CNTNAP2: variants seen among roughly 807,000 people sequenced by gnomAD.
The protein encoded by CNTNAP2 is contactin associated protein 2.
A neutral mutation model predicts 155.2 loss-of-function variants in CNTNAP2; 98 were observed. The observed-to-expected ratio is 0.63, with a 90% CI of 0.54 to 0.75. The LOEUF (loss-of-function observed/expected upper bound fraction) is 0.75, where lower values mean the gene tolerates loss of function less well. CNTNAP2 is among the 30% of genes least tolerant of loss of function. CNTNAP2 has a pLI of 0.00. For synonymous variants in CNTNAP2, 651 were observed against 631.2 expected (o/e 1.03, Z -0.47); for missense variants, 1,727 against 1,688.1 (o/e 1.02, Z -0.40).
At chr7:146,992,203 A>T (rs987558238) in intron 3 of CNTNAP2, among the ~76,000 whole-genome samples, 1 of 152,198 alleles carries the variant, frequency 6.6e-6, no homozygotes, top group Non-Finnish European at 1.5e-5. Flanking sequence ...CATGTTAAAG[A>T]AGGTAAAAAT....
chr7:148,253,873 C>T (rs1348225247), intron 20 of CNTNAP2, among the ~76,000 whole-genome samples: 1 of 152,118 alleles, frequency 6.6e-6, no homozygotes, highest in Non-Finnish European at 1.5e-5. Context: ...GTTTCAGGAC[C>T]CCCAAGTACA....
intron 15 of CNTNAP2, among the ~76,000 whole-genome samples, chr7:148,044,946 C>G (rs957807994): frequency 1.3e-5 from 2 of 152,148 alleles, no homozygotes; most frequent in African/African-American, 4.8e-5. Flanking sequence ...TTCGCCTCAG[C>G]CTCTCAAAGT....
chr7:147,306,912 A>G (rs1795039793), intron 9 of CNTNAP2, among the ~76,000 whole-genome samples: 1 of 152,114 alleles, frequency 6.6e-6, no homozygotes. Context: ...TAAAACAACC[A>G]CACACACACA....
chr7:146,481,165 G>A (rs909316517), intron 1 of CNTNAP2, among the ~76,000 whole-genome samples: 3 of 151,980 alleles, frequency 2.0e-5, no homozygotes, highest in African/African-American at 7.3e-5. Flanking sequence ...ACGTAAATTG[G>A]TATATTGTAG....
At chr7:146,452,527 C>A (rs190389234) in intron 1 of CNTNAP2, among the ~76,000 whole-genome samples, 52 of 152,274 alleles carry the variant, frequency 3.4e-4, no homozygotes, top group African/African-American at 1.2e-3. Flanking sequence ...AGTGAAACTT[C>A]TCAGTTATAT....
chr7:147,834,592 G>A (rs1387157591), intron 13 of CNTNAP2, among the ~76,000 whole-genome samples: 3 of 151,822 alleles, frequency 2.0e-5, no homozygotes, highest in African/African-American at 4.8e-5. Flanking sequence ...CACCTACATC[G>A]ACCAAATGGA....
intron 15 of CNTNAP2, among the ~76,000 whole-genome samples, chr7:148,005,932 T>C (rs1801969229): frequency 6.6e-6 from 1 of 152,226 alleles, no homozygotes; most frequent in East Asian, 1.9e-4. Flanking sequence ...AGGTTTCTTT[T>C]CCTGGGATTC....
intron 9 of CNTNAP2, among the ~76,000 whole-genome samples, chr7:147,341,828 G>A (rs1469774270): frequency 6.7e-6 from 1 of 150,018 alleles, no homozygotes; most frequent in African/African-American, 2.5e-5. Flanking sequence ...CTAAATATAA[G>A]AAACCATTTA....
chr7:147,095,124 A>C (rs980844780), intron 4 of CNTNAP2, among the ~76,000 whole-genome samples: 2 of 150,716 alleles, frequency 1.3e-5, no homozygotes, highest in Admixed American at 1.3e-4. Flanking sequence ...GGTTCAAGCG[A>C]TTCTCCTGCC....
chr7:147,156,596 C>G (rs1801930268), intron 8 of CNTNAP2, among the ~76,000 whole-genome samples: 1 of 152,130 alleles, frequency 6.6e-6, no homozygotes, highest in East Asian at 1.9e-4. Context: ...TCATTGATGT[C>G]ATCTCATCTG....
intron 12 of CNTNAP2, among the ~76,000 whole-genome samples, chr7:147,577,716 C>T (rs960446879): frequency 6.6e-6 from 1 of 151,496 alleles, no homozygotes; most frequent in African/African-American, 2.4e-5. Flanking sequence ...GGCAAAGGCT[C>T]AGAGGAAAAT....
intron 15 of CNTNAP2, among the ~76,000 whole-genome samples, chr7:148,049,716 A>T (rs1243526958): frequency 1.3e-5 from 2 of 152,252 alleles, no homozygotes; most frequent in Non-Finnish European, 1.5e-5. Context: ...AACCTACTGC[A>T]CTGCCAGGCA....
intron 1 of CNTNAP2, among the ~76,000 whole-genome samples, chr7:146,343,339 TTCTC>T (rs1361529966): frequency 6.6e-6 from 1 of 152,104 alleles, no homozygotes; most frequent in Non-Finnish European, 1.5e-5. Flanking sequence ...ATTTCACACC[TTCTC>T]TCTCTGTCTT....
chr7:146,900,561 C>A (rs1795972384), intron 3 of CNTNAP2, among the ~76,000 whole-genome samples: 1 of 152,138 alleles, frequency 6.6e-6, no homozygotes, highest in Admixed American at 6.5e-5. Context: ...CAAGCCCTGG[C>A]CTATCTTGCT....
At chr7:146,662,567 G>T (rs1800111347) in intron 1 of CNTNAP2, among the ~76,000 whole-genome samples, 1 of 152,000 alleles carries the variant, frequency 6.6e-6, no homozygotes, top group Admixed American at 6.5e-5. Flanking sequence ...CCACACTGTG[G>T]TTTATTTTTT....
chr7:147,074,618 A>G (rs963325924), intron 4 of CNTNAP2, among the ~76,000 whole-genome samples: 3 of 152,192 alleles, frequency 2.0e-5, no homozygotes, highest in Admixed American at 6.5e-5. Flanking sequence ...AGTTCTATTT[A>G]TAAGTAGAAT....
chr7:146,921,669 A>G (rs1051260051), intron 3 of CNTNAP2, among the ~76,000 whole-genome samples: 1 of 152,116 alleles, frequency 6.6e-6, no homozygotes, highest in Non-Finnish European at 1.5e-5. Context: ...TCACCTCACG[A>G]TTCAATTATC....
chr7:146,677,236 A>G (rs1389783), intron 1 of CNTNAP2, among the ~76,000 whole-genome samples: 100,304 of 152,060 alleles, frequency 0.66, 35,653 homozygotes, highest in South Asian at 0.88. Flanking sequence ...CTTCCAGGTT[A>G]TAGGTGGATA....
intron 15 of CNTNAP2, among the ~76,000 whole-genome samples, chr7:148,080,158 A>G (rs1292622183): frequency 6.6e-6 from 1 of 152,220 alleles, no homozygotes; most frequent in East Asian, 1.9e-4. Flanking sequence ...AGCCTGTCTT[A>G]CAATGAGCAT....
Sources: allele counts gnomAD v4.1 joint callset (sites outside exome capture counted in the v4.1 genomes callset), GRCh38; gene constraint gnomAD v4.1.1; transcripts MANE v1.5; gene names NCBI Gene and HGNC (gene_info 2026-07-23, HGNC 2026-07-21).